CASZ1: variants seen among roughly 807,000 people sequenced by gnomAD.
CASZ1 encodes zinc finger protein castor homolog 1.
In CASZ1, 28 loss-of-function variants were observed where a neutral mutation model predicts 135.2. That is an observed-to-expected ratio of 0.21 (90% CI 0.15 to 0.28). The LOEUF (loss-of-function observed/expected upper bound fraction) is 0.28, where lower values mean the gene tolerates loss of function less well. Ranked by LOEUF, CASZ1 falls within the 10% of genes least tolerant of loss-of-function variation. CASZ1 has a pLI of 1.00. For missense variants in CASZ1, 2,161 were observed against 2,453.3 expected (o/e 0.88, Z 2.52); for synonymous variants, 1,068 against 1,073.4 (o/e 0.99, Z 0.10).
In CASZ1 at chr1:10,732,341, AT is replaced by A. The variant is rs1255749805; in HGVS notation, c.-76-26798del. Among the ~76,000 whole-genome samples, 78 of 142,106 alleles carry A rather than the reference AT, an allele frequency of 5.5e-4. 1 individual carries two copies. Among genetic ancestry groups the A allele is most frequent in the East Asian group, 1.6e-3 (6 of 3,870 alleles). 93.2% of individuals were successfully genotyped at this position (142,106 alleles called of 152,430 possible). ...GTCTCAAAAAAAAAAAAAAAAGAAA[AT>A]ATATATATATATATTCCACACAAAC... On this transcript the variant is annotated intron_variant, in intron 2 of 20. Coordinates refer to ENST00000377022, the MANE Select transcript of CASZ1 (RefSeq NM_001079843.3).
intron 2 of CASZ1, among the ~76,000 whole-genome samples, chr1:10,742,643 GA>G (rs1197837099): frequency 6.6e-6 from 1 of 152,164 alleles, no homozygotes; most frequent in African/African-American, 2.4e-5. Flanking sequence ...GCCCTTATCT[GA>G]GCGCATTGAA....
chr1:10,734,066 C>A (rs181239800), intron 2 of CASZ1, among the ~76,000 whole-genome samples: 1 of 152,174 alleles, frequency 6.6e-6, no homozygotes, highest in African/African-American at 2.4e-5. Context: ...CCAGGAGGAG[C>A]GCTGGTACAT....
At chr1:10,705,769 G>A (rs1223055151) in intron 2 of CASZ1, among the ~76,000 whole-genome samples, 1 of 152,260 alleles carries the variant, frequency 6.6e-6, no homozygotes, top group East Asian at 1.9e-4. Context: ...ACGTCAGAAA[G>A]TGGTAGGAAC....
rs547537424 is a variant in CASZ1, at chr1:10,788,095, G to C, written c.-234+8469C>G. Among the ~76,000 whole-genome samples, 1 of 152,300 alleles carries C rather than the reference G, an allele frequency of 6.6e-6. No individual in the cohort carries two copies. The highest frequency in any genetic ancestry group is 2.1e-4 in the South Asian group (1 of 4,822). On this transcript the variant is annotated intron_variant, in intron 1 of 20. Transcript: ENST00000377022. The surrounding 1 kb of genome is among the most constrained non-coding windows in gnomAD (Gnocchi z 4.1). ...TTAGAATCCCAGAGAACGTTAGCTG[G>C]ATACGGGGATGTTCTCATCCAGAAC...
chr1:10,720,808 G>A lies in CASZ1; in HGVS notation c.-76-15264C>T, dbSNP rs545487532. Among the ~76,000 whole-genome samples, 149 of 152,206 alleles carry A rather than the reference G, an allele frequency of 9.8e-4. No individual in the cohort carries two copies. Among genetic ancestry groups the A allele is most frequent in the African/African-American group, 3.5e-3 (146 of 41,532 alleles). On this transcript the variant is annotated intron_variant, in intron 2 of 20. Coordinates refer to ENST00000377022, the MANE Select transcript of CASZ1 (RefSeq NM_001079843.3). The surrounding 1 kb of genome is among the most constrained non-coding windows in gnomAD (Gnocchi z 5.7). ...GACGCCGGTGGGTGAGCTGAGGGAG[G>A]GTGAGTGGAAGCTGGAGGGTTAGGG...
At chr1:10,730,061 C>T (rs913653269) in intron 2 of CASZ1, among the ~76,000 whole-genome samples, 1 of 152,078 alleles carries the variant, frequency 6.6e-6, no homozygotes, top group Non-Finnish European at 1.5e-5. Flanking sequence ...GTGATCCACT[C>T]GCCTTAGCCT....
At chr1:10,763,717 G>A (rs11121613) in intron 1 of CASZ1, among the ~76,000 whole-genome samples, 9,792 of 152,222 alleles carry the variant, frequency 0.064, 478 homozygotes, top group African/African-American at 0.13. Flanking sequence ...AATGATCTGC[G>A]CGTCTCCAGC....
chr1:10,682,722 T>G (rs756622384), intron 4 of CASZ1, among the ~76,000 whole-genome samples: 24 of 152,208 alleles, frequency 1.6e-4, no homozygotes, highest in Non-Finnish European at 8.8e-5. Context: ...AGAAAACATC[T>G]CCATCTCCTT....
intron 2 of CASZ1, among the ~76,000 whole-genome samples, chr1:10,731,537 T>C (rs1447247204): frequency 6.6e-6 from 1 of 152,158 alleles, no homozygotes; most frequent in Non-Finnish European, 1.5e-5. Flanking sequence ...TGAGCTCTGA[T>C]TGCGCCACTG....
chr1:10,708,972 G>T (rs1181931413), intron 2 of CASZ1, among the ~76,000 whole-genome samples: 4 of 75,610 alleles, frequency 5.3e-5, no homozygotes, highest in Non-Finnish European at 8.3e-5. Context: ...AGGACGGGGA[G>T]GGGGGGGGCC....
At position 10,700,794 on chromosome 1, in the gene CASZ1, T is replaced by A. The variant is rs1308022505; in HGVS notation, c.-24+4698A>T. 6.6e-6 allele frequency among the ~76,000 whole-genome samples: 1 copy of A among 152,186 alleles called. No homozygotes were observed. Among genetic ancestry groups the A allele is most frequent in the Non-Finnish European group, 1.5e-5 (1 of 68,036 alleles). ...TGCTAATGAGTACAGGGTTTCTTCC[T>A]GGGGGAATGAAAATGTTCTAAAATT... On this transcript the variant is annotated intron_variant, in intron 3 of 20. Transcript: ENST00000377022. This position sits in a 1 kb window ranked among gnomAD's most constrained non-coding sequence, Gnocchi z 4.2.
chr1:10,681,977 T>C (rs748950039), intron 4 of CASZ1, among the ~76,000 whole-genome samples: 4 of 152,256 alleles, frequency 2.6e-5, no homozygotes, highest in African/African-American at 4.8e-5. Flanking sequence ...CAACTGTTGC[T>C]GGCCAGTCCC....
At chr1:10,782,408 C>T (rs1423734823) in intron 1 of CASZ1, among the ~76,000 whole-genome samples, 1 of 152,228 alleles carries the variant, frequency 6.6e-6, no homozygotes, top group Non-Finnish European at 1.5e-5. Flanking sequence ...ATAAGACCAA[C>T]TTAAAATGGT....
chr1:10,690,300 G>A lies in CASZ1; in HGVS notation c.16+3574C>T, dbSNP rs72860118. On this transcript the variant is annotated intron_variant, in intron 4 of 20. Transcript: ENST00000377022. Reference sequence around the variant, plus strand: ...CTCATGGAAGGTCTGATCTGAAGGTGGTTGACACTCAGGGCAGGGGCCTGA... The same window carrying A: ...CTCATGGAAGGTCTGATCTGAAGGTAGTTGACACTCAGGGCAGGGGCCTGA... Among the ~76,000 whole-genome samples the A allele has an allele frequency of 3.0e-3, 453 of 152,316 alleles. 6 individuals carry two copies. The highest frequency in any genetic ancestry group is 0.01 in the African/African-American group (424 of 41,558).
intron 2 of CASZ1, among the ~76,000 whole-genome samples, chr1:10,728,723 T>G (rs1019286938): frequency 1.3e-5 from 2 of 151,990 alleles, no homozygotes; most frequent in African/African-American, 4.8e-5. Flanking sequence ...ACTCTGTGTG[T>G]TGTTGTTTTA....
chr1:10,698,934 G>A (rs1212619286), intron 3 of CASZ1, among the ~76,000 whole-genome samples: 5 of 152,204 alleles, frequency 3.3e-5, no homozygotes, highest in Non-Finnish European at 7.4e-5. Flanking sequence ...ACAGCGGACC[G>A]GACCGGAGGC....
chr1:10,731,538 T>G (rs1639702470), intron 2 of CASZ1, among the ~76,000 whole-genome samples: 1 of 152,140 alleles, frequency 6.6e-6, no homozygotes, highest in South Asian at 2.1e-4. Context: ...GAGCTCTGAT[T>G]GCGCCACTGA....
intron 9 of CASZ1, among the ~76,000 whole-genome samples, chr1:10,654,804 T>C (rs1354321357): frequency 2.6e-5 from 4 of 152,246 alleles, no homozygotes; most frequent in Non-Finnish European, 5.9e-5. Context: ...GACCAAGTGC[T>C]GCTGGAGCCT....
At chr1:10,686,584 C>T (rs1224616444) in intron 4 of CASZ1, among the ~76,000 whole-genome samples, 1 of 152,178 alleles carries the variant, frequency 6.6e-6, no homozygotes, top group Non-Finnish European at 1.5e-5. Context: ...CCCCCCAGGC[C>T]GTCTCAGCTC....
Sources: gnomAD v4.1 joint callset for allele counts (sites outside exome capture counted in the v4.1 genomes callset) on GRCh38, gnomAD v4.1.1 for gene constraint, Gnocchi (gnomAD v3.1) non-coding constraint, MANE v1.5 for transcripts, NCBI Gene and HGNC (gene_info 2026-07-23, HGNC 2026-07-21) for gene names.